The following KCNQ1 variants were observed in gnomAD, a reference collection of about 807,000 sequenced individuals.
KCNQ1 encodes the protein potassium voltage-gated channel subfamily Q member 1.
In KCNQ1, 49 loss-of-function variants were observed where a neutral mutation model predicts 72.4. That is an observed-to-expected ratio of 0.68 (90% CI 0.54 to 0.86). KCNQ1 has a LOEUF of 0.86. Among genes scored for constraint, KCNQ1 ranks in the 40% least tolerant of loss-of-function variants. KCNQ1 has a pLI of 0.00. For missense variants in KCNQ1, 790 were observed against 945.1 expected, an observed-to-expected ratio of 0.84 and a Z score of 2.15; for synonymous variants, 450 against 412.6, an observed-to-expected ratio of 1.09 and a Z score of -1.10.
rs77453919 is a variant in KCNQ1, at chr11:2,624,329, G to A, written c.1393+35475G>A. On this transcript the variant is annotated intron_variant, in intron 10 of 15. Transcript: ENST00000155840. This position sits in a 1 kb window ranked among gnomAD's most constrained non-coding sequence, Gnocchi z 4.9. ...ATATTTTGGATGAGTCCTTTATCAGGTATATCTTTTACAAGTATTGTCTCC... is the reference window on the plus strand; with the variant it reads ...ATATTTTGGATGAGTCCTTTATCAGATATATCTTTTACAAGTATTGTCTCC... 2.7e-3 allele frequency: 1,079 copies of A among 398,448 alleles called. 6 individuals are homozygous for A. The highest frequency in any genetic ancestry group is 0.019 in the African/African-American group (945 of 48,708). The allele number at this position is 398,448 out of a possible 1,614,324, so 24.7% of individuals were successfully genotyped here. A position where few individuals can be genotyped will look rare whatever the true frequency, so the allele number is the denominator to read the frequency against.
Position 2,848,202 on chromosome 11 carries a change from G to A in KCNQ1, c.*199G>A, listed in dbSNP as rs762397028. On this transcript the variant is annotated 3_prime_UTR_variant, in exon 16 of 16. Transcript: ENST00000155840. ...TCAGCAAGGCCACCTCTTCCTGGCC[G>A]GTGTGGGGGCCCCGTCTCAGGTCTG... The A allele has an allele frequency of 5.6e-5, 38 of 681,002 alleles. No homozygotes were observed. Among genetic ancestry groups the A allele is most frequent in the Admixed American group, 3.7e-4 (17 of 45,676 alleles). 42.2% of individuals were successfully genotyped at this position (681,002 alleles called of 1,614,324 possible). A position where few individuals can be genotyped will look rare whatever the true frequency, so the allele number is the denominator to read the frequency against.
At chr11:2,797,123 G>A (rs1003414006) in intron 15 of KCNQ1, among the ~76,000 whole-genome samples, 12 of 152,132 alleles carry the variant, frequency 7.9e-5, no homozygotes, top group Non-Finnish European at 1.0e-4. Flanking sequence ...ACGAGGACTC[G>A]GCCCAGAGCC....
At chr11:2,694,495 G>A (rs949779297) in intron 11 of KCNQ1, 1 of 398,548 alleles carries the variant, frequency 2.5e-6, no homozygotes, top group African/African-American at 2.1e-5. Context: ...AGCATTACCA[G>A]TGTGGCTGGC....
Position 2,674,351 on chromosome 11 carries a change from C to T in KCNQ1, c.1514+12270C>T. 2.5e-6 allele frequency: 1 copy of T among 397,788 alleles called. No homozygotes were observed. Among genetic ancestry groups the T allele is most frequent in the East Asian group, 3.6e-5 (1 of 27,968 alleles). The allele number at this position is 397,788 out of a possible 1,614,324, so 24.6% of individuals were successfully genotyped here. ...CCTCTGGAAATCTGAATTCCATTCGCTCTTGGCAAAGAGCAGCTTCCTGCT... is the reference window on the plus strand; with the variant it reads ...CCTCTGGAAATCTGAATTCCATTCGTTCTTGGCAAAGAGCAGCTTCCTGCT... On this transcript the variant is annotated intron_variant, in intron 11 of 15. Coordinates refer to ENST00000155840, the MANE Select transcript of KCNQ1 (RefSeq NM_000218.3). The surrounding 1 kb of genome is among the most constrained non-coding windows in gnomAD (Gnocchi z 5.9).
intron 10 of KCNQ1, chr11:2,643,922 T>C (rs1849621322): frequency 7.5e-6 from 3 of 398,500 alleles, no homozygotes; most frequent in South Asian, 2.5e-4. Context: ...ACTCTGCGTA[T>C]ATAATCCCAT....
chr11:2,654,163 C>A lies in KCNQ1; in HGVS notation c.1394-7798C>A. The A allele has an allele frequency of 2.5e-6, 1 of 398,510 alleles. No individual in the cohort carries two copies. The highest frequency in any genetic ancestry group is 4.4e-6 in the Non-Finnish European group (1 of 225,964). 24.7% of individuals were successfully genotyped at this position (398,510 alleles called of 1,614,324 possible). On this transcript the variant is annotated intron_variant, in intron 10 of 15. Coordinates refer to ENST00000155840, the MANE Select transcript of KCNQ1 (RefSeq NM_000218.3). This position sits in a 1 kb window ranked among gnomAD's most constrained non-coding sequence, Gnocchi z 6.4. ...TCAGGGTCTATGAGCCGGGCATGGG[C>A]AGCTGGCACAGGCTGTGGGGCTGCG...
rs895848041 is a variant in KCNQ1, at chr11:2,703,865, G to C, written c.1514+41784G>C. On this transcript the variant is annotated intron_variant, in intron 11 of 15. Transcript: ENST00000155840. This position sits in a 1 kb window ranked among gnomAD's most constrained non-coding sequence, Gnocchi z 6.4. ...TCTTCAGACCCAGCCAGGTTCCCAAGTTGCTGCTTCCCTCGGAAGCTGAGA... is the reference window on the plus strand; with the variant it reads ...TCTTCAGACCCAGCCAGGTTCCCAACTTGCTGCTTCCCTCGGAAGCTGAGA... Among the ~76,000 whole-genome samples the C allele has an allele frequency of 6.6e-6, 1 of 152,210 alleles. No homozygotes were observed. Among genetic ancestry groups the C allele is most frequent in the Non-Finnish European group, 1.5e-5 (1 of 68,030 alleles).
intron 11 of KCNQ1, among the ~76,000 whole-genome samples, chr11:2,730,244 G>T (rs1205636839): frequency 6.6e-6 from 1 of 152,228 alleles, no homozygotes; most frequent in Non-Finnish European, 1.5e-5. Context: ...GGAAGTAGTA[G>T]ATTCAGGACT....
rs1029644585 is a variant in KCNQ1 at position 2,658,788 on chromosome 11, A to G, written c.1394-3173A>G. On this transcript the variant is annotated intron_variant, in intron 10 of 15. Transcript: ENST00000155840. The surrounding 1 kb of genome is among the most constrained non-coding windows in gnomAD (Gnocchi z 4.9). ...ATACTGACATTTCTGACCAGAGTTC[A>G]TCCTTGCCCCCTCCCCCACAACTTA... 15 of 398,422 alleles carry G rather than the reference A, an allele frequency of 3.8e-5. No individual in the cohort carries two copies. Among genetic ancestry groups the G allele is most frequent in the Non-Finnish European group, 5.3e-5 (12 of 226,062 alleles). The allele number at this position is 398,422 out of a possible 1,614,324, so 24.7% of individuals were successfully genotyped here. A position where few individuals can be genotyped will look rare whatever the true frequency, so the allele number is the denominator to read the frequency against.
chr11:2,499,542 A>T (rs1399172307), intron 1 of KCNQ1, among the ~76,000 whole-genome samples: 2 of 146,104 alleles, frequency 1.4e-5, no homozygotes, highest in Middle Eastern at 3.3e-3. Flanking sequence ...ACAAAAAAAG[A>T]CCCAATTATC....
intron 2 of KCNQ1, among the ~76,000 whole-genome samples, chr11:2,540,066 G>A (rs1847799239): frequency 6.6e-6 from 1 of 152,090 alleles, no homozygotes; most frequent in Non-Finnish European, 1.5e-5. Flanking sequence ...GGCTGCTAGG[G>A]AAGTCATTGG....
At position 2,745,261 on chromosome 11, in the gene KCNQ1, G is replaced by A. The variant is rs568540357; in HGVS notation, c.1515-23583G>A. ...AAAACTGGAGTCTCTCTCATGTTGCGTTTTCTCCTCCAAGAACAAGGAGTC... is the reference window on the plus strand; with the variant it reads ...AAAACTGGAGTCTCTCTCATGTTGCATTTTCTCCTCCAAGAACAAGGAGTC... On this transcript the variant is annotated intron_variant, in intron 11 of 15. Transcript: ENST00000155840. The surrounding 1 kb of genome is among the most constrained non-coding windows in gnomAD (Gnocchi z 6.2). Among the ~76,000 whole-genome samples the A allele has an allele frequency of 5.7e-4, 87 of 152,132 alleles. No homozygotes were observed. The highest frequency in any genetic ancestry group is 9.6e-4 in the Non-Finnish European group (65 of 68,038).
At position 2,670,657 on chromosome 11, in the gene KCNQ1, G is replaced by GGC; in HGVS notation, c.1514+8576_1514+8577insGC. ...GGCAGAGGCCAGGATGAACCCTGAA[G>GGC]ATTGGTAGGAAGGCAGTGTAGCAGT... On this transcript the variant is annotated intron_variant, in intron 11 of 15. Coordinates refer to ENST00000155840, the MANE Select transcript of KCNQ1 (RefSeq NM_000218.3). The surrounding 1 kb of genome is among the most constrained non-coding windows in gnomAD (Gnocchi z 4.9). The GGC allele has an allele frequency of 5.0e-6, 2 of 398,640 alleles. No homozygotes were observed. The highest frequency in any genetic ancestry group is 8.8e-6 in the Non-Finnish European group (2 of 226,102). The allele number at this position is 398,640 out of a possible 1,614,324, so 24.7% of individuals were successfully genotyped here.
At position 2,715,032 on chromosome 11, in the gene KCNQ1, C is replaced by T. The variant is rs1490374145; in HGVS notation, c.1514+52951C>T. ...CTCCAGGGTGCAGCTGGGCAGATTGCCGGTGGTTGGTGCTGGTGAGGAGTA... is the reference window on the plus strand; with the variant it reads ...CTCCAGGGTGCAGCTGGGCAGATTGTCGGTGGTTGGTGCTGGTGAGGAGTA... On this transcript the variant is annotated intron_variant, in intron 11 of 15. Transcript: ENST00000155840. The surrounding 1 kb of genome is among the most constrained non-coding windows in gnomAD (Gnocchi z 4.9). Among the ~76,000 whole-genome samples the T allele has an allele frequency of 2.6e-5, 4 of 152,034 alleles. No individual in the cohort carries two copies. The highest frequency in any genetic ancestry group is 4.4e-5 in the Non-Finnish European group (3 of 67,990).
intron 2 of KCNQ1, among the ~76,000 whole-genome samples, chr11:2,531,492 A>G (rs1376808408): frequency 6.6e-6 from 1 of 152,056 alleles, no homozygotes; most frequent in Non-Finnish European, 1.5e-5. Context: ...GCCCCCAGGG[A>G]AGCCTCCAAG....
rs1370963636 is a variant in KCNQ1 at position 2,659,404 on chromosome 11, G to C, written c.1394-2557G>C. The C allele has an allele frequency of 7.5e-6, 3 of 398,430 alleles. No homozygotes were observed. In the East Asian group the frequency reaches 1.1e-4, roughly 14 times the overall value. 24.7% of individuals were successfully genotyped at this position (398,430 alleles called of 1,614,324 possible). On this transcript the variant is annotated intron_variant, in intron 10 of 15. Coordinates refer to ENST00000155840, the MANE Select transcript of KCNQ1 (RefSeq NM_000218.3). The surrounding 1 kb of genome is among the most constrained non-coding windows in gnomAD (Gnocchi z 4.3). Reference sequence around the variant, plus strand: ...TTTCACTGCTTAGCAAAATGCATTTGAGATTCATCCATGTTGTTGCATAAA... The same window carrying C: ...TTTCACTGCTTAGCAAAATGCATTTCAGATTCATCCATGTTGTTGCATAAA...
At position 2,647,056 on chromosome 11, in the gene KCNQ1, C is replaced by G. The variant is rs1316244529; in HGVS notation, c.1394-14905C>G. On this transcript the variant is annotated intron_variant, in intron 10 of 15. Transcript: ENST00000155840. This position sits in a 1 kb window ranked among gnomAD's most constrained non-coding sequence, Gnocchi z 4.0. ...GAATAGTGAAAGTGGGCATCCTTGT[C>G]TTGTTCTAGTTCTAAGAGAGAAGGT... 2.5e-6 allele frequency: 1 copy of G among 398,412 alleles called. No homozygotes were observed. The highest frequency in any genetic ancestry group is 2.1e-5 in the African/African-American group (1 of 48,590). 24.7% of individuals were successfully genotyped at this position (398,412 alleles called of 1,614,324 possible).
In KCNQ1 at chr11:2,691,781, C is replaced by G. The variant is rs1248336269; in HGVS notation, c.1514+29700C>G. 1 of 398,576 alleles carries G rather than the reference C, an allele frequency of 2.5e-6. No homozygotes were observed. The highest frequency in any genetic ancestry group is 3.6e-5 in the East Asian group (1 of 28,070). The allele number at this position is 398,576 out of a possible 1,614,324, so 24.7% of individuals were successfully genotyped here. Reference sequence around the variant, plus strand: ...GGCCATTTGCAGGCCAGTGGCCATCCACTGCCAGCAATCAGAGAATCACAA... The same window carrying G: ...GGCCATTTGCAGGCCAGTGGCCATCGACTGCCAGCAATCAGAGAATCACAA... On this transcript the variant is annotated intron_variant, in intron 11 of 15. Transcript: ENST00000155840. The surrounding 1 kb of genome is among the most constrained non-coding windows in gnomAD (Gnocchi z 6.4).
chr11:2,524,734 G>T (rs139143516), intron 1 of KCNQ1, among the ~76,000 whole-genome samples: 18 of 152,320 alleles, frequency 1.2e-4, no homozygotes, highest in Non-Finnish European at 2.2e-4. Context: ...CCTGCTGGAC[G>T]TCAGGTGACA....
Sources: allele counts gnomAD v4.1 joint callset (sites outside exome capture counted in the v4.1 genomes callset), GRCh38; gene constraint gnomAD v4.1.1; non-coding constraint Gnocchi (gnomAD v3.1); transcripts MANE v1.5; gene names NCBI Gene and HGNC (gene_info 2026-07-23, HGNC 2026-07-21).